Variants in NBAS observed in about 807,000 individuals in gnomAD.
NBAS encodes the protein NAG/BC035112 fusion.
Under a neutral mutation model 302.5 loss-of-function variants are expected in NBAS, and 219 were observed. The ratio of observed to expected loss-of-function variants is 0.72; its 90% CI spans 0.65 to 0.81. NBAS has a LOEUF of 0.81. Among genes scored for constraint, NBAS ranks in the 30% least tolerant of loss-of-function variants. The pLI is 0.00. For missense variants in NBAS, 2,932 were observed against 2,841.6 expected (o/e 1.03, Z -0.72); for synonymous variants, 1,118 against 1,021.6 (o/e 1.09, Z -1.80).
chr2:15,255,150 C>T (rs182062917), intron 44 of NBAS, among the ~76,000 whole-genome samples: 1 of 152,134 alleles, frequency 6.6e-6, no homozygotes, highest in Non-Finnish European at 1.5e-5. Flanking sequence ...GTACTGTTTT[C>T]CATAGTGGTT....
chr2:15,071,379 A>C, the NBAS span, among the ~76,000 whole-genome samples: 1 of 152,122 alleles, frequency 6.6e-6, no homozygotes, highest in Non-Finnish European at 1.5e-5. Flanking sequence ...TAATCCCAGC[A>C]CTTTGGGAGG....
At chr2:15,345,196 T>C (rs781169533) in intron 35 of NBAS, among the ~76,000 whole-genome samples, 6 of 152,128 alleles carry the variant, frequency 3.9e-5, no homozygotes, top group Non-Finnish European at 7.4e-5. Flanking sequence ...GGTATTCAAA[T>C]AGGAAGACAG....
chr2:15,034,654 TG>T, the NBAS span, among the ~76,000 whole-genome samples: 2 of 152,216 alleles, frequency 1.3e-5, no homozygotes, highest in Non-Finnish European at 2.9e-5. Flanking sequence ...AATCAGAGTA[TG>T]AACTCTTAAG....
chr2:15,480,282 A>C (rs1466016975), intron 12 of NBAS, among the ~76,000 whole-genome samples: 1 of 152,068 alleles, frequency 6.6e-6, no homozygotes, highest in Non-Finnish European at 1.5e-5. Context: ...TCAAGGTTGC[A>C]GTAAGCTATG....
the NBAS span, among the ~76,000 whole-genome samples, chr2:14,837,954 A>G: frequency 1.3e-5 from 2 of 151,842 alleles, no homozygotes; most frequent in South Asian, 4.1e-4. Flanking sequence ...TTTCACCTTC[A>G]TTCTTAAAGA....
chr2:15,311,080 T>C (rs989973098), intron 38 of NBAS, among the ~76,000 whole-genome samples: 1 of 152,250 alleles, frequency 6.6e-6, no homozygotes, highest in African/African-American at 2.4e-5. Flanking sequence ...CAGAATGTTT[T>C]GGACTTTAGG....
At chr2:15,439,838 T>A (rs2160698) in intron 21 of NBAS, among the ~76,000 whole-genome samples, 1 of 152,036 alleles carries the variant, frequency 6.6e-6, no homozygotes, top group South Asian at 2.1e-4. Flanking sequence ...TAAAAAATGG[T>A]GCATCAGGAG....
chr2:14,918,017 G>A, the NBAS span, among the ~76,000 whole-genome samples: 2 of 152,094 alleles, frequency 1.3e-5, no homozygotes, highest in African/African-American at 4.8e-5. Context: ...TTAACTCGCA[G>A]CATCCAAGTT....
downstream of NBAS, among the ~76,000 whole-genome samples, chr2:15,165,523 G>C (rs553575201): frequency 2.0e-5 from 3 of 152,310 alleles, no homozygotes; most frequent in East Asian, 5.8e-4. Context: ...TTTCATCAGA[G>C]GACTCTGCAG....
intron 9 of NBAS, among the ~76,000 whole-genome samples, chr2:15,516,584 G>T (rs1184535114): frequency 6.6e-6 from 1 of 152,040 alleles, no homozygotes; most frequent in South Asian, 2.1e-4. Context: ...TTATCCAGGT[G>T]TGGTGGCGTG....
At chr2:15,226,640 T>C (rs1316572314) in intron 47 of NBAS, among the ~76,000 whole-genome samples, 1 of 152,220 alleles carries the variant, frequency 6.6e-6, no homozygotes, top group African/African-American at 2.4e-5. Context: ...CTCTCATGTC[T>C]AGAGGCAAGA....
At chr2:15,205,198 T>A (rs991353594) in intron 48 of NBAS, among the ~76,000 whole-genome samples, 10 of 152,098 alleles carry the variant, frequency 6.6e-5, no homozygotes, top group Admixed American at 5.9e-4. Flanking sequence ...AACAATGAGT[T>A]ATAACACAGA....
intron 35 of NBAS, among the ~76,000 whole-genome samples, chr2:15,331,449 T>C (rs879503061): frequency 8.5e-5 from 13 of 152,220 alleles, no homozygotes; most frequent in Non-Finnish European, 1.6e-4. Context: ...AAAAATATTA[T>C]TTGTTCTATA....
intron 21 of NBAS, among the ~76,000 whole-genome samples, chr2:15,455,696 C>G (rs775040212): frequency 6.6e-6 from 1 of 151,036 alleles, no homozygotes; most frequent in Non-Finnish European, 1.5e-5. Flanking sequence ...ATGAGCATAT[C>G]CACTTTACAA....
the NBAS span, among the ~76,000 whole-genome samples, chr2:14,840,932 A>G: frequency 5.3e-5 from 8 of 152,096 alleles, no homozygotes; most frequent in Non-Finnish European, 1.5e-5. Flanking sequence ...TCTGGTATGA[A>G]GCCAGACAGA....
chr2:15,350,286 A>AT (rs2148294022), intron 35 of NBAS, among the ~76,000 whole-genome samples: 1 of 152,284 alleles, frequency 6.6e-6, no homozygotes, highest in South Asian at 2.1e-4. Context: ...AGCAAAAAAA[A>AT]AAGTTAGTGC....
At chr2:15,247,683 T>C (rs1033610200) in intron 44 of NBAS, among the ~76,000 whole-genome samples, 1 of 150,348 alleles carries the variant, frequency 6.7e-6, no homozygotes, top group African/African-American at 2.4e-5. Flanking sequence ...TCTCTCTCTA[T>C]ATATATATCT....
At chr2:15,428,409 TTGAAAAGTATCAC>T (rs1677585309) in intron 21 of NBAS, among the ~76,000 whole-genome samples, 1 of 152,086 alleles carries the variant, frequency 6.6e-6, no homozygotes. Flanking sequence ...ATTCTGCAGG[TTGAAAAGTATCAC>T]TGAAAAACAA....
At chr2:15,377,524 C>T (rs181628194) in intron 30 of NBAS, among the ~76,000 whole-genome samples, 1 of 152,198 alleles carries the variant, frequency 6.6e-6, no homozygotes, top group Non-Finnish European at 1.5e-5. Flanking sequence ...CTACTATTAT[C>T]CACATTTTAC....
Sources: gnomAD v4.1 joint callset for allele counts (sites outside exome capture counted in the v4.1 genomes callset) on GRCh38, gnomAD v4.1.1 for gene constraint, MANE v1.5 for transcripts, NCBI Gene and HGNC (gene_info 2026-07-23, HGNC 2026-07-21) for gene names.